PRKAR1A: variants seen among roughly 807,000 people sequenced by gnomAD.
PRKAR1A encodes the protein cAMP-dependent protein kinase type I-alpha regulatory subunit.
In PRKAR1A, 3 loss-of-function variants were observed where a neutral mutation model predicts 52.0. The ratio of observed to expected loss-of-function variants is 0.06; its 90% confidence interval spans 0.03 to 0.15. PRKAR1A has a LOEUF of 0.15. Ranked by LOEUF, PRKAR1A falls within the 10% of genes least tolerant of loss-of-function variation. The probability of loss-of-function intolerance (pLI) is 1.00; values close to 1 mark genes in which losing one functional copy is unlikely to be tolerated. For missense variants in PRKAR1A, 240 were observed against 477.4 expected, an observed-to-expected ratio of 0.50 and a Z score of 4.63; for synonymous variants, 188 against 168.4, an observed-to-expected ratio of 1.12 and a Z score of -0.90.
intron 3 of PRKAR1A, among the ~76,000 whole-genome samples, chr17:68,523,429 T>C (rs2085680718): frequency 6.6e-6 from 1 of 152,344 alleles, no homozygotes; most frequent in Admixed American, 6.5e-5. Flanking sequence ...ATACTTAGTT[T>C]TGCCTCAGAA....
the PRKAR1A span, among the ~76,000 whole-genome samples, chr17:68,475,781 C>G: frequency 2.0e-4 from 31 of 152,310 alleles, no homozygotes; most frequent in Middle Eastern, 6.8e-3. Flanking sequence ...TTTTGATACA[C>G]AGACTTTTCG....
At chr17:68,464,699 CAA>C in the PRKAR1A span, among the ~76,000 whole-genome samples, 31,304 of 81,036 alleles carry the variant, frequency 0.39, 3,809 homozygotes, top group African/African-American at 0.47. Flanking sequence ...AAAAAAAAAA[CAA>C]AAAAAACAAA....
the PRKAR1A span, chr17:68,457,626 C>T: frequency 2.8e-6 from 1 of 351,350 alleles, no homozygotes; most frequent in Non-Finnish European, 4.7e-6. Flanking sequence ...CCCGCCCCTT[C>T]TCGCCCCTCC....
At chr17:68,514,669 C>T (rs2085373246) in intron 1 of PRKAR1A, among the ~76,000 whole-genome samples, 1 of 152,170 alleles carries the variant, frequency 6.6e-6, no homozygotes, top group African/African-American at 2.4e-5. Flanking sequence ...AATATTTTGA[C>T]AATTTTCTGT....
At chr17:68,451,703 C>G in the PRKAR1A span, among the ~76,000 whole-genome samples, 1 of 152,166 alleles carries the variant, frequency 6.6e-6, no homozygotes, top group Admixed American at 6.5e-5. Context: ...GACAGTAACA[C>G]AGTTAAATCT....
At chr17:68,464,776 C>T in the PRKAR1A span, among the ~76,000 whole-genome samples, 2 of 151,930 alleles carry the variant, frequency 1.3e-5, no homozygotes, top group Non-Finnish European at 2.9e-5. Context: ...TATCAGAGCC[C>T]AGCGTTTCAT....
the PRKAR1A span, among the ~76,000 whole-genome samples, chr17:68,500,901 G>A: frequency 3.3e-5 from 5 of 152,168 alleles, no homozygotes; most frequent in African/African-American, 1.2e-4. Context: ...TTGAGGATTT[G>A]TTCCCTGAGA....
intron 2 of PRKAR1A, among the ~76,000 whole-genome samples, chr17:68,521,795 T>TA (rs2085618410): frequency 6.6e-6 from 1 of 152,228 alleles, no homozygotes; most frequent in Non-Finnish European, 1.5e-5. Context: ...TATGGGCACT[T>TA]ACAAATTTAT....
chr17:68,515,555 A>G lies in PRKAR1A; in HGVS notation c.156A>G (p.Glu52=), dbSNP rs141432364. Residue 52 remains glutamate, a synonymous_variant, in exon 2 of 11, where the codon GAA becomes GAG. Transcript: ENST00000589228. ...AGAGACCCATGGCATTCCTCAGGGA[A>G]TACTTTGAGAGGTTGGAGAAGGTAA... ...RPERPMAFLR[E]YFERLEKEEA... 177 of 1,612,508 alleles carry G rather than the reference A, an allele frequency of 1.1e-4. No homozygotes were observed. The highest frequency in any genetic ancestry group is 2.1e-4 in the Middle Eastern group (1 of 4,858).
downstream of PRKAR1A, chr17:68,536,127 G>T (rs1267979975): frequency 2.2e-6 from 1 of 453,964 alleles, no homozygotes; most frequent in African/African-American, 2.0e-5. Context: ...GGGTACCACG[G>T]GGTCAGAAGT....
chr17:68,540,938 T>TA, intron 11 of PRKAR1A: 2 of 1,595,218 alleles, frequency 1.3e-6, no homozygotes, highest in East Asian at 2.2e-5. Context: ...TGTGTCACAG[T>TA]AAAGGGGATT....
At chr17:68,529,729 G>C (rs1297036541) in intron 9 of PRKAR1A, among the ~76,000 whole-genome samples, 191 bp from the exon 10 acceptor site, 1 of 152,232 alleles carries the variant, frequency 6.6e-6, no homozygotes, top group Non-Finnish European at 1.5e-5. Context: ...ACCTTAGCTT[G>C]ATACGAAGAA....
In PRKAR1A at chr17:68,530,359, A is replaced by G. The variant is rs1418084385; in HGVS notation, c.1056A>G (p.Arg352=). Residue 352 remains arginine (R), a synonymous_variant, in exon 11 of 11, where the codon CGA becomes CGG. Coordinates refer to ENST00000589228, the MANE Select transcript of PRKAR1A (RefSeq NM_002734.5). ...RGPLKCVKLD[R]PRFERVLGPC... The stretch of plus-strand genomic sequence containing the variant: ...CCTTGAAGTGCGTTAAGCTGGACCG[A>G]CCTAGATTTGAACGTGTTCTTGGCC... The G allele has an allele frequency of 6.2e-7, 1 of 1,613,988 alleles. No individual in the cohort carries two copies. Among genetic ancestry groups the G allele is most frequent in the Non-Finnish European group, 8.5e-7 (1 of 1,180,004 alleles).
the PRKAR1A span, among the ~76,000 whole-genome samples, chr17:68,440,388 T>C: frequency 3.3e-5 from 5 of 152,348 alleles, no homozygotes; most frequent in South Asian, 8.3e-4. Flanking sequence ...CCTCTTTCTG[T>C]TACAGGTGTT....
the PRKAR1A span, among the ~76,000 whole-genome samples, chr17:68,466,536 C>A: frequency 6.6e-6 from 1 of 151,240 alleles, no homozygotes; most frequent in African/African-American, 2.4e-5. Flanking sequence ...CTCGGCCTCC[C>A]GAGTAGCTGG....
At chr17:68,480,883 C>T in the PRKAR1A span, among the ~76,000 whole-genome samples, 1 of 152,192 alleles carries the variant, frequency 6.6e-6, no homozygotes, top group African/African-American at 2.4e-5. Context: ...GGATAATTTT[C>T]TACGTTTTTA....
intron 7 of PRKAR1A, among the ~76,000 whole-genome samples, chr17:68,527,378 A>G (rs972042357): frequency 1.3e-5 from 2 of 152,228 alleles, no homozygotes; most frequent in Non-Finnish European, 2.9e-5. Flanking sequence ...CACTAGGATT[A>G]TTGGGTTGTA....
the PRKAR1A span, among the ~76,000 whole-genome samples, chr17:68,431,165 C>T: frequency 6.6e-6 from 1 of 152,100 alleles, no homozygotes; most frequent in Non-Finnish European, 1.5e-5. Context: ...CGGGTGTATA[C>T]AAAGAAAAAC....
chr17:68,487,428 A>G, the PRKAR1A span, among the ~76,000 whole-genome samples: 1 of 152,240 alleles, frequency 6.6e-6, no homozygotes, highest in South Asian at 2.1e-4. Flanking sequence ...GCATATAGTT[A>G]TAACTTAAGC....
Sources: gnomAD v4.1 joint callset for allele counts (sites outside exome capture counted in the v4.1 genomes callset) on GRCh38, gnomAD v4.1.1 for gene constraint, MANE v1.5 for transcripts, NCBI Gene and HGNC (gene_info 2026-07-23, HGNC 2026-07-21) for gene names.